Variants in LCOR observed in about 807,000 individuals in gnomAD.
LCOR encodes the protein ligand-dependent corepressor.
A neutral mutation model predicts 64.4 loss-of-function variants in LCOR; 14 were observed. The observed-to-expected ratio is 0.22, with a 90% CI of 0.14 to 0.34. The LOEUF (loss-of-function observed/expected upper bound fraction) is 0.34, where lower values mean the gene tolerates loss of function less well. Ranked by LOEUF, LCOR falls within the 10% of genes least tolerant of loss-of-function variation. The probability of loss-of-function intolerance (pLI) is 1.00; values close to 1 mark genes in which losing one functional copy is unlikely to be tolerated. For missense variants in LCOR, 1,686 were observed against 1,765.3 expected, an observed-to-expected ratio of 0.96 and a Z score of 0.80; for synonymous variants, 643 against 642.5, an observed-to-expected ratio of 1.00 and a Z score of -0.01.
chr10:96,952,038 G>T, intron 6 of LCOR, 65 bp from the exon 7 acceptor site: 4 of 1,124,962 alleles, frequency 3.6e-6, no homozygotes, highest in South Asian at 1.3e-5. Context: ...TTCATTTTTA[G>T]CCTATTTAGT....
intron 4 of LCOR, among the ~76,000 whole-genome samples, chr10:96,910,959 A>G (rs191642708): frequency 3.3e-5 from 5 of 152,340 alleles, no homozygotes; most frequent in Admixed American, 2.0e-4. Flanking sequence ...TAGAACAGGG[A>G]TTCACCTAGA....
chr10:96,890,604 A>G (rs1846423395), intron 2 of LCOR, among the ~76,000 whole-genome samples: 1 of 152,174 alleles, frequency 6.6e-6, no homozygotes, highest in African/African-American at 2.4e-5. Flanking sequence ...AATGTTGAGT[A>G]GAAATGGTAA....
intron 2 of LCOR, among the ~76,000 whole-genome samples, chr10:96,881,998 C>A (rs1846270646): frequency 6.6e-6 from 1 of 152,062 alleles, no homozygotes; most frequent in South Asian, 2.1e-4. Context: ...AATTGCTATT[C>A]ATTTGAGTTT....
chr10:96,943,797 ATAAC>A (rs138122978), intron 4 of LCOR, among the ~76,000 whole-genome samples: 7,694 of 152,012 alleles, frequency 0.051, 665 homozygotes, highest in African/African-American at 0.17. Context: ...CCTGTGAAAA[ATAAC>A]TATAGTATAA....
chr10:96,917,113 CAA>C (rs1846965400), intron 4 of LCOR, among the ~76,000 whole-genome samples: 1 of 152,100 alleles, frequency 6.6e-6, no homozygotes, highest in African/African-American at 2.4e-5. Flanking sequence ...CATGAAATAT[CAA>C]AGAGTTTATT....
chr10:96,919,414 TC>T (rs1847010182), intron 4 of LCOR, among the ~76,000 whole-genome samples: 1 of 152,182 alleles, frequency 6.6e-6, no homozygotes, highest in South Asian at 2.1e-4. Context: ...TTGTTCTGCT[TC>T]TCTTCCCCCC....
chr10:96,854,970 C>G (rs1371228613), intron 2 of LCOR, among the ~76,000 whole-genome samples: 1 of 152,200 alleles, frequency 6.6e-6, no homozygotes, highest in East Asian at 1.9e-4. Context: ...GATCCTTTCT[C>G]TCCTCCTCTT....
intron 5 of LCOR, 36 bp from the exon 6 acceptor site, chr10:96,948,972 G>T: frequency 6.8e-7 from 1 of 1,474,348 alleles, no homozygotes; most frequent in South Asian, 1.3e-5. Flanking sequence ...TTAGTACATT[G>T]TCCCACTTTA....
rs1002353017 is a variant in LCOR, at chr10:96,981,211, C to T, written c.751C>T (p.Pro251Ser). The stretch of plus-strand genomic sequence containing the variant: ...TGTCCAGAAAGATTCCTCTGAACTT[C>T]CAACCACTAAATCGAATTCTATTAA... Reference protein sequence around the residue: ...TVVQKDSSELPTTKSNSINSS... With the variant: ...TVVQKDSSELSTTKSNSINSS... Residue 251 changes from proline (P) to serine (S), a missense_variant, in exon 8 of 8, where the codon CCA (proline) becomes TCA (serine). Physicochemically the swap from Pro to Ser is moderately conservative, Grantham distance 74. Coordinates refer to ENST00000421806, the MANE Select transcript of LCOR (RefSeq NM_001346516.2). The T allele has an allele frequency of 1.3e-6, 1 of 776,798 alleles. No individual in the cohort carries two copies. The highest frequency in any genetic ancestry group is 2.0e-5 in the Admixed American group (1 of 50,150). The allele number at this position is 776,798 out of a possible 1,614,324, so 48.1% of individuals were successfully genotyped here. A position where few individuals can be genotyped will look rare whatever the true frequency, so the allele number is the denominator to read the frequency against.
intron 4 of LCOR, chr10:96,916,017 TTTTA>T (rs1193349437): frequency 1.8e-5 from 3 of 169,566 alleles, no homozygotes; most frequent in Admixed American, 1.2e-4. Context: ...CATTGAAAGT[TTTTA>T]TTTATTCATT....
chr10:96,840,234 A>G (rs1300978590), intron 2 of LCOR, among the ~76,000 whole-genome samples: 1 of 152,048 alleles, frequency 6.6e-6, no homozygotes, highest in Non-Finnish European at 1.5e-5. Context: ...TCTTCTAATG[A>G]TTTTTGGTCT....
chr10:96,956,824 C>T (rs2134536420), intron 7 of LCOR: 2 of 985,724 alleles, frequency 2.0e-6, no homozygotes, highest in Non-Finnish European at 2.4e-6. Flanking sequence ...TTGTATTCTT[C>T]AGTCCTTTTA....
At chr10:96,931,317 TC>T (rs1847256658) in intron 4 of LCOR, among the ~76,000 whole-genome samples, 1 of 151,842 alleles carries the variant, frequency 6.6e-6, no homozygotes, top group African/African-American at 2.4e-5. Context: ...CACTGCAACT[TC>T]CGCCTCCCAG....
chr10:96,855,081 T>G (rs1845780452), intron 2 of LCOR, among the ~76,000 whole-genome samples: 1 of 152,220 alleles, frequency 6.6e-6, no homozygotes, highest in African/African-American at 2.4e-5. Flanking sequence ...GGGACTGATG[T>G]CTGGCCATTG....
In LCOR at chr10:96,988,564, A is replaced by G. The variant is rs1159517001; in HGVS notation, c.*3430A>G. The G allele has an allele frequency of 6.6e-6, 1 of 152,208 alleles. No individual in the cohort carries two copies. The highest frequency in any genetic ancestry group is 1.9e-4 in the East Asian group (1 of 5,200). 9.4% of individuals were successfully genotyped at this position (152,208 alleles called of 1,614,324 possible). A position where few individuals can be genotyped will look rare whatever the true frequency, so the allele number is the denominator to read the frequency against. ...CATCAGTAAAAGGCATCACTTCAAGATAATTACTTTGAATTGAGGTTTGGC... is the reference window on the plus strand; with the variant it reads ...CATCAGTAAAAGGCATCACTTCAAGGTAATTACTTTGAATTGAGGTTTGGC... On this transcript the variant is annotated 3_prime_UTR_variant, in exon 8 of 8. Coordinates refer to ENST00000421806, the MANE Select transcript of LCOR (RefSeq NM_001346516.2).
At chr10:96,920,435 T>TATATATATGTATATTC (rs1491324435) in intron 4 of LCOR, among the ~76,000 whole-genome samples, 4 of 1,174 alleles carry the variant, frequency 3.4e-3, no homozygotes, top group Non-Finnish European at 0.017. Flanking sequence ...TATATATGTG[T>TATATATATGTATATTC]ATATATGTGT....
intron 7 of LCOR, among the ~76,000 whole-genome samples, chr10:96,976,450 G>A (rs1027473646): frequency 6.6e-6 from 1 of 152,132 alleles, no homozygotes; most frequent in Non-Finnish European, 1.5e-5. Context: ...AGACACCACC[G>A]CCTCTTGCCA....
rs1005192084 is a variant in LCOR, at chr10:96,895,852, G to A, written c.-329-11413G>A. On this transcript the variant is annotated intron_variant, in intron 2 of 7. Transcript: ENST00000421806. The stretch of plus-strand genomic sequence containing the variant: ...AATCCCAGTGTTTTGGGAGGCCAAG[G>A]CAGAAGGATCGCTTGAGACCAGGAG... Among the ~76,000 whole-genome samples the A allele has an allele frequency of 3.4e-4, 52 of 152,346 alleles. 1 individual carries two copies. The highest frequency in any genetic ancestry group is 1.3e-3 in the African/African-American group (52 of 41,576).
chr10:96,913,431 T>TTCAGTGA (rs1238266644), intron 4 of LCOR, among the ~76,000 whole-genome samples: 2 of 152,184 alleles, frequency 1.3e-5, no homozygotes, highest in East Asian at 1.9e-4. Flanking sequence ...AACGGACTGC[T>TTCAGTGA]TCAGTGATCA....
Sources: gnomAD v4.1 joint callset for allele counts (sites outside exome capture counted in the v4.1 genomes callset) on GRCh38, gnomAD v4.1.1 for gene constraint, MANE v1.5 for transcripts, NCBI Gene and HGNC (gene_info 2026-07-23, HGNC 2026-07-21) for gene names.